ANKRD28: variants seen among roughly 807,000 people sequenced by gnomAD.
The protein encoded by ANKRD28 is ankyrin repeat domain 28.
ANKRD28 carries 44 observed loss-of-function variants against 126.5 expected under a neutral mutation model. That is an observed-to-expected ratio of 0.35 (90% confidence interval 0.27 to 0.45). The LOEUF is 0.45. ANKRD28 is among the 20% of genes least tolerant of loss of function. The probability of loss-of-function intolerance (pLI) is 1.00; values close to 1 mark genes in which losing one functional copy is unlikely to be tolerated. For synonymous variants in ANKRD28, 442 were observed against 468.5 expected, an observed-to-expected ratio of 0.94 and a Z score of 0.73; for missense variants, 1,110 against 1,316.6, an observed-to-expected ratio of 0.84 and a Z score of 2.43.
rs58655271 is a variant in ANKRD28 at position 15,741,697 on chromosome 3, C to CTTTTTTTTTTTTTTTTTTTTTTTTTT, written c.352-4490_352-4465dup. ...ACCAGTTTTCCCCTTTGGTTCTATC[C>CTTTTTTTTTTTTTTTTTTTTTTTTTT]TTTTTTTTTTTTTTTTTTTTTTTTT... On this transcript the variant is annotated intron_variant, in intron 4 of 27. Coordinates refer to ENST00000683139, the MANE Select transcript of ANKRD28 (RefSeq NM_001349278.2). Among the ~76,000 whole-genome samples, 11 of 33,662 alleles carry CTTTTTTTTTTTTTTTTTTTTTTTTTT rather than the reference C, an allele frequency of 3.3e-4. 1 individual carries two copies. The highest frequency in any genetic ancestry group is 5.2e-4 in the Admixed American group (1 of 1,918). 22.1% of individuals were successfully genotyped at this position (33,662 alleles called of 152,430 possible).
chr3:15,677,114 C>T, intron 25 of ANKRD28, 58 bp from the exon 26 acceptor site: 3 of 1,358,112 alleles, frequency 2.2e-6, no homozygotes, highest in Non-Finnish European at 3.2e-6. Context: ...TACATTTATA[C>T]ACCCAACAAT....
intron 1 of ANKRD28, among the ~76,000 whole-genome samples, chr3:15,851,224 C>T (rs1332259110): frequency 1.3e-5 from 2 of 151,948 alleles, no homozygotes; most frequent in East Asian, 3.9e-4. Context: ...CATTAGGCAT[C>T]AAAACTGCAG....
At position 15,667,326 on chromosome 3, in the gene ANKRD28, G is replaced by A. The variant is rs2066030847; in HGVS notation, c.*2944C>T. 1 of 152,194 alleles carries A rather than the reference G, an allele frequency of 6.6e-6. No individual in the cohort carries two copies. The highest frequency in any genetic ancestry group is 2.4e-5 in the African/African-American group (1 of 41,448). The allele number at this position is 152,194 out of a possible 1,614,324, so 9.4% of individuals were successfully genotyped here. A position where few individuals can be genotyped will look rare whatever the true frequency, so the allele number is the denominator to read the frequency against. On this transcript the variant is annotated 3_prime_UTR_variant, in exon 28 of 28. Transcript: ENST00000683139. ...TTACAGCTACACTTAGAGATCTCCT[G>A]AACTAAATGGCATTGTTTGAGATGA...
chr3:15,814,310 C>T lies in ANKRD28; in HGVS notation c.28-19004G>A. The T allele has an allele frequency of 7.8e-7, 1 of 1,274,148 alleles. No individual in the cohort carries two copies. The highest frequency in any genetic ancestry group is 1.0e-6 in the Non-Finnish European group (1 of 982,910). The allele number at this position is 1,274,148 out of a possible 1,614,324, so 78.9% of individuals were successfully genotyped here. A position where few individuals can be genotyped will look rare whatever the true frequency, so the allele number is the denominator to read the frequency against. ...TACTGTTTCAATTCCAATCACAGGC[C>T]TGTAGCAGAAAACAGATATCAAAAG... is the stretch of plus-strand genomic sequence containing the variant. On this transcript the variant is annotated intron_variant, in intron 1 of 27. Transcript: ENST00000399451. This position sits in a 1 kb window ranked among gnomAD's most constrained non-coding sequence, Gnocchi z 4.7.
intron 1 of ANKRD28, among the ~76,000 whole-genome samples, chr3:15,834,339 T>C (rs1265062187): frequency 6.6e-6 from 1 of 152,198 alleles, no homozygotes; most frequent in Non-Finnish European, 1.5e-5. Context: ...GTGTATATTC[T>C]TGTTGATGAT....
At chr3:15,803,516 C>T (rs951440028) in intron 1 of ANKRD28, among the ~76,000 whole-genome samples, 2 of 151,236 alleles carry the variant, frequency 1.3e-5, no homozygotes, top group African/African-American at 4.9e-5. Context: ...ACTCAAGAGG[C>T]TGAGGCAGGA....
intron 3 of ANKRD28, among the ~76,000 whole-genome samples, chr3:15,755,154 T>TA (rs977040486): frequency 6.6e-5 from 10 of 151,768 alleles, no homozygotes; most frequent in African/African-American, 9.7e-5. Flanking sequence ...TAATAAAAAA[T>TA]AAAAAAAATC....
At chr3:15,778,762 A>G (rs1267205361) in intron 2 of ANKRD28, among the ~76,000 whole-genome samples, 1 of 152,162 alleles carries the variant, frequency 6.6e-6, no homozygotes, top group East Asian at 1.9e-4. Flanking sequence ...CAGGAATGAG[A>G]CCTGATATGG....
chr3:15,858,646 T>C (rs1018047687), intron 1 of ANKRD28, among the ~76,000 whole-genome samples: 1 of 152,216 alleles, frequency 6.6e-6, no homozygotes, highest in African/African-American at 2.4e-5. Flanking sequence ...TAATTTTCCT[T>C]TTCCTTAAAA....
At chr3:15,740,412 A>G (rs2075368726) in intron 4 of ANKRD28, among the ~76,000 whole-genome samples, 1 of 152,238 alleles carries the variant, frequency 6.6e-6, no homozygotes. Context: ...GAATACATAT[A>G]TGAATACTCA....
At chr3:15,858,774 G>A (rs1245017250) in intron 1 of ANKRD28, among the ~76,000 whole-genome samples, 1 of 152,142 alleles carries the variant, frequency 6.6e-6, no homozygotes, top group East Asian at 1.9e-4. Context: ...TAGATACAAA[G>A]TAGTTTTTCA....
chr3:15,845,787 C>T lies in ANKRD28; in HGVS notation c.27+13590G>A, dbSNP rs115510830. Among the ~76,000 whole-genome samples the T allele has an allele frequency of 5.7e-3, 862 of 152,198 alleles. 6 individuals carry two copies. Among genetic ancestry groups the T allele is most frequent in the African/African-American group, 0.02 (821 of 41,522 alleles). ...GTATGACTCAAGAAACTTAGAATCA[C>T]GGTGGAGGGCAAAGGGGAAGCAAGC... is the stretch of plus-strand genomic sequence containing the variant. On this transcript the variant is annotated intron_variant, in intron 1 of 27. Coordinates refer to the ANKRD28 transcript ENST00000399451. This position sits in a 1 kb window ranked among gnomAD's most constrained non-coding sequence, Gnocchi z 4.9.
In ANKRD28 at chr3:15,816,640, C is replaced by A. The variant is rs905340471; in HGVS notation, c.28-21334G>T. ...CCTTTATTTTACTACACTATTTAACCCACTAGATGCTAACTAACAAACATT... is the reference window on the plus strand; with the variant it reads ...CCTTTATTTTACTACACTATTTAACACACTAGATGCTAACTAACAAACATT... On this transcript the variant is annotated intron_variant, in intron 1 of 27. Transcript: ENST00000399451. This position sits in a 1 kb window ranked among gnomAD's most constrained non-coding sequence, Gnocchi z 5.0. Among the ~76,000 whole-genome samples, 1 of 151,738 alleles carries A rather than the reference C, an allele frequency of 6.6e-6. No homozygotes were observed. Among genetic ancestry groups the A allele is most frequent in the Admixed American group, 6.5e-5 (1 of 15,270 alleles).
At chr3:15,825,317 G>A (rs766833389) in intron 1 of ANKRD28, among the ~76,000 whole-genome samples, 10 of 152,150 alleles carry the variant, frequency 6.6e-5, no homozygotes, top group Non-Finnish European at 1.3e-4. Context: ...GCCTTTTCTG[G>A]ATTCAATACT....
intron 14 of ANKRD28, among the ~76,000 whole-genome samples, chr3:15,696,925 T>A (rs1024568384): frequency 2.0e-5 from 3 of 152,192 alleles, no homozygotes; most frequent in Non-Finnish European, 2.9e-5. Flanking sequence ...GATCCAGCAA[T>A]CCCATTACTG....
chr3:15,705,066 T>C (rs1052130094), intron 14 of ANKRD28, among the ~76,000 whole-genome samples: 2 of 152,156 alleles, frequency 1.3e-5, no homozygotes, highest in African/African-American at 4.8e-5. Flanking sequence ...GTATGGAAAC[T>C]CCAAGATTTA....
rs145106493 is a variant in ANKRD28, at chr3:15,686,293, T to C, written c.1980A>G (p.Ser660=). 5.1e-4 allele frequency: 811 copies of C among 1,583,154 alleles called. 2 individuals are homozygous for C. In the African/African-American group the frequency reaches 9.7e-3, roughly 19 times the overall value. ...PIHAAATNGH[S]ECLRLLIGNA... ...TTCCTATTAATAGCCGTAAGCATTC[T>C]GAATGACCATTTGTTGCTGTAAAGT... is the stretch of plus-strand genomic sequence containing the variant. Residue 660 remains serine (S), a synonymous_variant, in exon 19 of 28, where the codon TCA becomes TCG. Coordinates refer to ENST00000683139, the MANE Select transcript of ANKRD28 (RefSeq NM_001349278.2).
intron 6 of ANKRD28, among the ~76,000 whole-genome samples, chr3:15,727,221 T>C (rs951860832): frequency 6.6e-6 from 1 of 152,142 alleles, no homozygotes; most frequent in African/African-American, 2.4e-5. Context: ...CTGCCATAAA[T>C]AGTGATTCCT....
Position 15,815,127 on chromosome 3 carries a change from A to C in ANKRD28, c.28-19821T>G, listed in dbSNP as rs1016299918. On this transcript the variant is annotated intron_variant, in intron 1 of 27. Coordinates refer to the ANKRD28 transcript ENST00000399451. The surrounding 1 kb of genome is among the most constrained non-coding windows in gnomAD (Gnocchi z 4.1). Reference sequence around the variant, plus strand: ...TAAGAATATTATATATTCTTGTATAATACTTTTCCCAAGATAAAAAATAAA... The same window carrying C: ...TAAGAATATTATATATTCTTGTATACTACTTTTCCCAAGATAAAAAATAAA... 1.3e-5 allele frequency among the ~76,000 whole-genome samples: 2 copies of C among 151,832 alleles called. No homozygotes were observed. The highest frequency in any genetic ancestry group is 1.3e-4 in the Admixed American group (2 of 15,238).
Sources: allele counts gnomAD v4.1 joint callset (sites outside exome capture counted in the v4.1 genomes callset), GRCh38; gene constraint gnomAD v4.1.1; non-coding constraint Gnocchi (gnomAD v3.1); transcripts MANE v1.5; gene names NCBI Gene and HGNC (gene_info 2026-07-23, HGNC 2026-07-21).